IGF1: variants seen among roughly 807,000 people sequenced by gnomAD.
IGF1 encodes insulin like growth factor 1.
A neutral mutation model predicts 13.8 loss-of-function variants in IGF1; 4 were observed. That is an observed-to-expected ratio of 0.29 (90% CI 0.14 to 0.66). The LOEUF (loss-of-function observed/expected upper bound fraction) is 0.66, where lower values mean the gene tolerates loss of function less well. Ranked by LOEUF, IGF1 falls within the 30% of genes least tolerant of loss-of-function variation. The probability of loss-of-function intolerance (pLI) is 0.78; values close to 1 mark genes in which losing one functional copy is unlikely to be tolerated. For synonymous variants in IGF1, 76 were observed against 72.6 expected (o/e 1.05, Z -0.23); for missense variants, 124 against 188.5 (o/e 0.66, Z 2.00).
At chr12:102,467,070 A>G (rs1277505208) in intron 2 of IGF1, among the ~76,000 whole-genome samples, 2 of 152,122 alleles carry the variant, frequency 1.3e-5, no homozygotes, top group Non-Finnish European at 2.9e-5. Context: ...ACAGGTAATC[A>G]GGAGTTGGCT....
Position 102,480,560 on chromosome 12 carries a change from G to A in IGF1, c.-179C>T. 6.9e-7 allele frequency: 1 copy of A among 1,459,506 alleles called. No individual in the cohort carries two copies. Among genetic ancestry groups the A allele is most frequent in the South Asian group, 1.4e-5 (1 of 73,760 alleles). 90.4% of individuals were successfully genotyped at this position (1,459,506 alleles called of 1,614,324 possible). A position where few individuals can be genotyped will look rare whatever the true frequency, so the allele number is the denominator to read the frequency against. ...CAGTGACAGTGAGATTTAGCAAACA[G>A]AAGAGGGATTTAGAGAAAATCCTCA... On this transcript the variant is annotated 5_prime_UTR_variant, in exon 1 of 4. Coordinates refer to ENST00000337514, the MANE Select transcript of IGF1 (RefSeq NM_000618.5).
At chr12:102,409,620 A>G (rs17885209) in intron 3 of IGF1, among the ~76,000 whole-genome samples, 4,398 of 152,272 alleles carry the variant, frequency 0.029, 97 homozygotes, top group African/African-American at 0.043. Context: ...CAACTAAGAA[A>G]TGCAGGAGAG....
At chr12:102,457,313 T>C (rs1879498921) in intron 2 of IGF1, among the ~76,000 whole-genome samples, 1 of 152,196 alleles carries the variant, frequency 6.6e-6, no homozygotes, top group African/African-American at 2.4e-5. Context: ...ACAGTGCCCA[T>C]GTTATCTGCA....
rs1179364944 is a variant in IGF1 at position 102,398,761 on chromosome 12, A to G, written c.*3746T>C. ...TATAGAATTGTTGTTTTTATACTTT[A>G]AAAAAATATGTCTATGCTTTCTTTT... On this transcript the variant is annotated 3_prime_UTR_variant, in exon 4 of 4. Transcript: ENST00000337514. 1 of 152,140 alleles carries G rather than the reference A, an allele frequency of 6.6e-6. No homozygotes were observed. The highest frequency in any genetic ancestry group is 1.5e-5 in the Non-Finnish European group (1 of 67,992). The allele number at this position is 152,140 out of a possible 1,614,324, so 9.4% of individuals were successfully genotyped here.
Position 102,400,049 on chromosome 12 carries a change from T to TGAC in IGF1, c.*2457_*2458insGTC, listed in dbSNP as rs1376864696. 2.6e-5 allele frequency: 4 copies of TGAC among 151,950 alleles called. No individual in the cohort carries two copies. Among genetic ancestry groups the TGAC allele is most frequent in the African/African-American group, 7.2e-5 (3 of 41,404 alleles). The allele number at this position is 151,950 out of a possible 1,614,324, so 9.4% of individuals were successfully genotyped here. ...ATTCAAATAATGTTGGACTGAGAGT[T>TGAC]AAAATACTTGTTGACTGAACAGGAT... On this transcript the variant is annotated 3_prime_UTR_variant, in exon 4 of 4. Coordinates refer to ENST00000337514, the MANE Select transcript of IGF1 (RefSeq NM_000618.5).
intron 2 of IGF1, among the ~76,000 whole-genome samples, chr12:102,449,174 A>G (rs1002908498): frequency 6.6e-6 from 1 of 152,192 alleles, no homozygotes; most frequent in Non-Finnish European, 1.5e-5. Flanking sequence ...ATAGACTGGA[A>G]GAAGAAAATG....
At chr12:102,475,548 A>C in intron 2 of IGF1, 95 bp downstream of exon 2, 1 of 1,373,706 alleles carries the variant, frequency 7.3e-7, no homozygotes, top group African/African-American at 1.4e-5. Context: ...AGATACGGGC[A>C]CTCATTCAGT....
chr12:102,435,728 GAA>G (rs1188100831), intron 2 of IGF1, among the ~76,000 whole-genome samples: 4 of 152,208 alleles, frequency 2.6e-5, no homozygotes, highest in Non-Finnish European at 5.9e-5. Context: ...GGGGGTTCCT[GAA>G]GCAGGTAGTG....
chr12:102,453,219 C>T lies in IGF1; in HGVS notation c.220+22424G>A, dbSNP rs1321656654. On this transcript the variant is annotated intron_variant, in intron 2 of 3. Transcript: ENST00000337514. ...TGGAATAATGTGTTAGGTGTGTGGC[C>T]TAGGAGGGTCTACATTGTGCTTTTC... 2.0e-5 allele frequency among the ~76,000 whole-genome samples: 3 copies of T among 152,202 alleles called. No homozygotes were observed. The East Asian group carries it at 5.8e-4, about 29-fold the overall frequency.
chr12:102,409,038 C>T (rs1161887552), intron 3 of IGF1, among the ~76,000 whole-genome samples: 2 of 152,196 alleles, frequency 1.3e-5, no homozygotes, highest in South Asian at 2.1e-4. Context: ...ACACAGTAGT[C>T]GTGTGACCTT....
chr12:102,413,384 A>G (rs969726669), intron 3 of IGF1, among the ~76,000 whole-genome samples: 13 of 152,222 alleles, frequency 8.5e-5, no homozygotes, highest in Admixed American at 3.3e-4. Context: ...AAATTGCAGA[A>G]TTTATTACCT....
chr12:102,465,724 G>A (rs964099926), intron 2 of IGF1, among the ~76,000 whole-genome samples: 3 of 152,100 alleles, frequency 2.0e-5, no homozygotes, highest in Non-Finnish European at 4.4e-5. Flanking sequence ...ATCACCTGAG[G>A]TCAGGAGTTC....
chr12:102,433,598 C>T (rs1876938905), intron 2 of IGF1, among the ~76,000 whole-genome samples: 1 of 152,112 alleles, frequency 6.6e-6, no homozygotes, highest in Non-Finnish European at 1.5e-5. Flanking sequence ...TTTGTGAAGA[C>T]TGGCCTATTC....
At chr12:102,454,759 C>G (rs1375484435) in intron 2 of IGF1, among the ~76,000 whole-genome samples, 1 of 152,132 alleles carries the variant, frequency 6.6e-6, no homozygotes, top group East Asian at 1.9e-4. Flanking sequence ...TGCTGCAGAT[C>G]CAGGCTGTTG....
At chr12:102,405,222 G>A (rs1419113719) in intron 3 of IGF1, among the ~76,000 whole-genome samples, 3 of 151,820 alleles carry the variant, frequency 2.0e-5, no homozygotes, top group Admixed American at 6.6e-5. Flanking sequence ...AAGTAGCTGG[G>A]ATTACAGGCA....
intron 2 of IGF1, among the ~76,000 whole-genome samples, chr12:102,427,618 A>G (rs1876325482): frequency 6.6e-6 from 1 of 152,128 alleles, no homozygotes; most frequent in Non-Finnish European, 1.5e-5. Context: ...CATGGCCAGG[A>G]TGGCAGGTGA....
At chr12:102,425,089 C>G (rs968394995) in intron 2 of IGF1, among the ~76,000 whole-genome samples, 3 of 152,090 alleles carry the variant, frequency 2.0e-5, no homozygotes, top group Admixed American at 6.6e-5. Flanking sequence ...ACTGTAGTAC[C>G]AAAGCTGCTG....
Position 102,477,630 on chromosome 12 carries a change from G to T in IGF1, c.64-1831C>A, listed in dbSNP as rs369662129. Among the ~76,000 whole-genome samples the T allele has an allele frequency of 2.9e-4, 44 of 151,700 alleles. No individual in the cohort carries two copies. The East Asian group carries it at 8.1e-3, about 28-fold the overall frequency. On this transcript the variant is annotated intron_variant, in intron 1 of 3. Transcript: ENST00000337514. ...AAATCCAACCCACCTGGACCTCGTG[G>T]CATTTTTCAAAAGAACAAACCTGTG...
intron 2 of IGF1, among the ~76,000 whole-genome samples, chr12:102,456,282 A>G (rs1351660220): frequency 6.6e-6 from 1 of 150,896 alleles, no homozygotes; most frequent in African/African-American, 2.5e-5. Flanking sequence ...TCTAATCTAG[A>G]GATCCTGAGG....
Sources: allele counts gnomAD v4.1 joint callset (sites outside exome capture counted in the v4.1 genomes callset), GRCh38; gene constraint gnomAD v4.1.1; transcripts MANE v1.5; gene names NCBI Gene and HGNC (gene_info 2026-07-23, HGNC 2026-07-21).